The following POTEJ variants were observed in gnomAD, a reference collection of about 807,000 sequenced individuals.
The protein encoded by POTEJ is POTE ankyrin domain family, member J.
POTEJ carries 11 observed loss-of-function variants against 69.0 expected under a neutral mutation model. The observed-to-expected ratio is 0.16, with a 90% CI of 0.10 to 0.26. The LOEUF (loss-of-function observed/expected upper bound fraction) is 0.26. Among genes scored for constraint, POTEJ ranks in the 10% least tolerant of loss-of-function variants. The pLI, the probability that POTEJ is intolerant of heterozygous loss-of-function variation, is 1.00. For missense variants in POTEJ, 327 were observed against 1,045.5 expected (o/e 0.31, Z 9.48); for synonymous variants, 117 against 381.1 (o/e 0.31, Z 8.07).
At chr2:130,631,828 A>G (rs1478083727) in intron 8 of POTEJ, among the ~76,000 whole-genome samples, 1 of 142,942 alleles carries the variant, frequency 7.0e-6, no homozygotes, top group Admixed American at 6.9e-5. Context: ...TGGCTATTCA[A>G]TGTGAAATTT....
rs748724742 is a variant in POTEJ at position 130,656,968 on chromosome 2, C to T, written c.2208C>T (p.His736=). 5.1e-4 allele frequency: 806 copies of T among 1,592,804 alleles called. 18 individuals are homozygous for T. In the African/African-American group the frequency reaches 9.5e-3, roughly 19 times the overall value. ...TGACCCTGAAGTACCCCATGGAACA[C>T]GGCATCATCACCAACTGGGATGACA... ...GILTLKYPME[H]GIITNWDDME... The change falls in exon 15 of 15, where the codon CAC becomes CAT. Residue 736 remains histidine, a synonymous_variant. Transcript: ENST00000409602.
At position 130,657,046 on chromosome 2, in the gene POTEJ, G is replaced by A. The variant is rs1687028192; in HGVS notation, c.2286G>A (p.Glu762=). Residue 762 remains glutamate (E), a synonymous_variant, in exon 15 of 15, where the codon GAG becomes GAA. Transcript: ENST00000409602. The part of the protein sequence containing the change: ...TFYNELRVAP[E]EHPILLTEAP... ...ACAACGAGCTGCGTGTGGCCCCCGA[G>A]GAGCACCCCATCCTGCTGACCGAGG... 6.3e-7 allele frequency: 1 copy of A among 1,581,632 alleles called. No homozygotes were observed. The highest frequency in any genetic ancestry group is 1.5e-5 in the African/African-American group (1 of 68,554).
chr2:130,629,364 C>G (rs1685824795), intron 6 of POTEJ, among the ~76,000 whole-genome samples: 1 of 149,250 alleles, frequency 6.7e-6, no homozygotes, highest in Non-Finnish European at 1.5e-5. Flanking sequence ...GACCTTGCAG[C>G]TGCATTGAAG....
chr2:130,626,898 T>G (rs1685730287), intron 6 of POTEJ, among the ~76,000 whole-genome samples: 1 of 152,174 alleles, frequency 6.6e-6, no homozygotes, highest in Admixed American at 6.5e-5. Flanking sequence ...ATAACATTAA[T>G]AGTTGGCAGG....
At chr2:130,625,181 GT>G (rs1413986875) in intron 6 of POTEJ, among the ~76,000 whole-genome samples, 1 of 152,164 alleles carries the variant, frequency 6.6e-6, no homozygotes, top group Non-Finnish European at 1.5e-5. Context: ...AATAGATGTA[GT>G]TTTGATCTTT....
At position 130,611,665 on chromosome 2, in the gene POTEJ, A is replaced by G; in HGVS notation, c.133A>G (p.Thr45Ala). The change falls in exon 1 of 15, where the codon ACT becomes GCT. Residue 45 changes from threonine (T) to alanine (A), a missense_variant. Physicochemically the swap from Thr to Ala is moderately conservative, Grantham distance 58. Transcript: ENST00000409602. ...GGGGAGCGGCAAGAGCAACGTGGGC[A>G]CTTCTGGAGACCAGGACGACTCCAC... ...CRGSGKSNVG[T>A]SGDQDDSTMK... 7.9e-7 allele frequency: 1 copy of G among 1,271,252 alleles called. No homozygotes were observed. The highest frequency in any genetic ancestry group is 1.1e-6 in the Non-Finnish European group (1 of 913,216). 78.7% of individuals were successfully genotyped at this position (1,271,252 alleles called of 1,614,324 possible).
intron 6 of POTEJ, among the ~76,000 whole-genome samples, chr2:130,625,735 C>G (rs1685682170): frequency 7.0e-6 from 1 of 141,918 alleles, no homozygotes; most frequent in Non-Finnish European, 1.5e-5. Flanking sequence ...TTCACTTTTG[C>G]TAGTACCAAA....
intron 10 of POTEJ, among the ~76,000 whole-genome samples, chr2:130,642,727 C>T (rs1686435602): frequency 6.6e-6 from 1 of 152,282 alleles, no homozygotes; most frequent in Admixed American, 6.5e-5. Flanking sequence ...GCCCTTTTCC[C>T]TGTGTGCCCT....
rs1272240021 is a variant in POTEJ, at chr2:130,644,487, A to T, written c.1440+434A>T. On this transcript the variant is annotated intron_variant, in intron 11 of 14. Coordinates refer to ENST00000409602, the MANE Select transcript of POTEJ (RefSeq NM_001277083.2). The stretch of plus-strand genomic sequence containing the variant: ...CCATCTGAAAAAAATATATATATAT[A>T]TTTTAATAGATTCTTAAAATTTATT... Among the ~76,000 whole-genome samples the T allele has an allele frequency of 2.0e-5, 3 of 152,248 alleles. No individual in the cohort carries two copies. The East Asian group carries it at 5.8e-4, about 29-fold the overall frequency.
In POTEJ at chr2:130,611,703, C is replaced by G. The variant is rs745551748; in HGVS notation, c.171C>G (p.Leu57=). 7 of 1,558,052 alleles carry G rather than the reference C, an allele frequency of 4.5e-6. No homozygotes were observed. The South Asian group carries it at 7.8e-5, about 17-fold the overall frequency. The change falls in exon 1 of 15, where the codon CTC becomes CTG. Residue 57 remains leucine (L), a synonymous_variant. Transcript: ENST00000409602. ...GDQDDSTMKT[L]RSKMGKWCCH... ...AGGACGACTCCACTATGAAGACACT[C>G]AGGAGCAAGATGGGCAAGTGGTGCT...
chr2:130,632,967 G>A (rs1179226811), intron 9 of POTEJ, among the ~76,000 whole-genome samples: 2 of 147,558 alleles, frequency 1.4e-5, no homozygotes, highest in African/African-American at 5.2e-5. Context: ...TGGAGATTTG[G>A]ACGGCAGATT....
At chr2:130,636,307 A>T (rs1379061435) in intron 9 of POTEJ, among the ~76,000 whole-genome samples, 1 of 152,160 alleles carries the variant, frequency 6.6e-6, no homozygotes, top group African/African-American at 2.4e-5. Flanking sequence ...CTTAAGATGC[A>T]ATTGGGAGCA....
chr2:130,640,571 G>A (rs1236345518), intron 10 of POTEJ, among the ~76,000 whole-genome samples: 618 of 150,596 alleles, frequency 4.1e-3, no homozygotes, highest in African/African-American at 9.9e-3. Context: ...GTCTCCTTTC[G>A]TGGTTGGCTA....
chr2:130,645,245 A>G (rs1254554128), intron 11 of POTEJ, among the ~76,000 whole-genome samples: 3 of 13,338 alleles, frequency 2.2e-4, no homozygotes, highest in Admixed American at 1.7e-3. Flanking sequence ...TCGGCTCCTA[A>G]TAGTTTAAAG....
chr2:130,625,694 C>G (rs1277289932), intron 6 of POTEJ, among the ~76,000 whole-genome samples: 1 of 144,498 alleles, frequency 6.9e-6, no homozygotes, highest in Non-Finnish European at 1.5e-5. Context: ...AGACAAGATG[C>G]TTGAGTGAAC....
intron 10 of POTEJ, among the ~76,000 whole-genome samples, chr2:130,638,916 T>C (rs1375169358): frequency 1.1e-4 from 17 of 152,324 alleles, no homozygotes; most frequent in Admixed American, 1.3e-4. Context: ...CAGTGGAAGC[T>C]CTGAGCTGAT....
intron 9 of POTEJ, among the ~76,000 whole-genome samples, chr2:130,637,445 C>G (rs1686137653): frequency 6.7e-6 from 1 of 149,586 alleles, no homozygotes. Context: ...GGAGCTGGCC[C>G]TCGCATAAGG....
At chr2:130,624,608 C>A (rs1277875147) in intron 6 of POTEJ, among the ~76,000 whole-genome samples, 2 of 152,058 alleles carry the variant, frequency 1.3e-5, no homozygotes, top group Non-Finnish European at 2.9e-5. Context: ...GGCTTGCCTG[C>A]TGCTCACCTC....
intron 6 of POTEJ, among the ~76,000 whole-genome samples, chr2:130,628,770 C>A (rs1229950281): frequency 6.7e-6 from 1 of 149,104 alleles, no homozygotes; most frequent in Admixed American, 6.6e-5. Flanking sequence ...ACCTCTAATC[C>A]CAGCATTTTG....
Sources: allele counts gnomAD v4.1 joint callset (sites outside exome capture counted in the v4.1 genomes callset), GRCh38; gene constraint gnomAD v4.1.1; transcripts MANE v1.5; gene names NCBI Gene and HGNC (gene_info 2026-07-23, HGNC 2026-07-21).